The following UNC5C variants were observed in gnomAD, a reference collection of about 807,000 sequenced individuals.
UNC5C encodes unc-5 netrin receptor C, also known as netrin receptor UNC5C.
A neutral mutation model predicts 99.8 loss-of-function variants in UNC5C; 47 were observed. The ratio of observed to expected loss-of-function variants is 0.47; its 90% CI spans 0.37 to 0.60. The LOEUF is 0.60. UNC5C is among the 20% of genes least tolerant of loss of function. The pLI, the probability that UNC5C is intolerant of heterozygous loss-of-function variation, is 0.00. For missense variants in UNC5C, 1,062 were observed against 1,165.9 expected, an observed-to-expected ratio of 0.91 and a Z score of 1.30; for synonymous variants, 487 against 452.2, an observed-to-expected ratio of 1.08 and a Z score of -0.98.
chr4:95,376,089 T>C (rs1288941677), intron 1 of UNC5C, among the ~76,000 whole-genome samples: 2 of 151,920 alleles, frequency 1.3e-5, no homozygotes, highest in South Asian at 2.1e-4. Flanking sequence ...AATATATATA[T>C]ATACAGAATA....
At chr4:95,356,193 C>CAAAAAAAAAAAAAAAAAAA (rs59097041) in intron 1 of UNC5C, among the ~76,000 whole-genome samples, 2 of 57,998 alleles carry the variant, frequency 3.4e-5, no homozygotes, top group Non-Finnish European at 6.6e-5. Flanking sequence ...GACCCTGTAG[C>CAAAAAAAAAAAAAAAAAAA]AAAAAAAAAA....
intron 1 of UNC5C, among the ~76,000 whole-genome samples, chr4:95,476,578 C>T (rs1012205650): frequency 3.3e-5 from 5 of 152,004 alleles, no homozygotes; most frequent in African/African-American, 1.2e-4. Context: ...TTTAAAAACA[C>T]GAATTCATAT....
intron 10 of UNC5C, among the ~76,000 whole-genome samples, chr4:95,210,463 A>G (rs184668445): frequency 6.6e-6 from 1 of 152,316 alleles, no homozygotes; most frequent in East Asian, 1.9e-4. Flanking sequence ...CCTTTATACA[A>G]AGGAAGCTAT....
At chr4:95,429,121 A>T (rs1400452656) in intron 1 of UNC5C, among the ~76,000 whole-genome samples, 1 of 152,138 alleles carries the variant, frequency 6.6e-6, no homozygotes, top group Non-Finnish European at 1.5e-5. Flanking sequence ...AATGCAGGCA[A>T]ATTTGCTAAT....
chr4:95,377,907 G>T (rs1312970756), intron 1 of UNC5C, among the ~76,000 whole-genome samples: 1 of 152,166 alleles, frequency 6.6e-6, no homozygotes, highest in Non-Finnish European at 1.5e-5. Flanking sequence ...TATTCTGAAG[G>T]ATTCCTTCTC....
chr4:95,332,590 A>C (rs1050927493), intron 2 of UNC5C, among the ~76,000 whole-genome samples: 3 of 152,004 alleles, frequency 2.0e-5, no homozygotes, highest in Admixed American at 6.6e-5. Context: ...TTAAAGACTT[A>C]AACGTTAGAC....
chr4:95,481,928 C>A (rs1260904639), intron 1 of UNC5C, among the ~76,000 whole-genome samples: 1 of 151,950 alleles, frequency 6.6e-6, no homozygotes, highest in African/African-American at 2.4e-5. Context: ...CTAGGCATTA[C>A]CATTCAGGAC....
intron 9 of UNC5C, among the ~76,000 whole-genome samples, chr4:95,218,568 T>C (rs910340012): frequency 4.6e-5 from 7 of 152,142 alleles, no homozygotes; most frequent in African/African-American, 1.7e-4. Context: ...GTTTTCTGTA[T>C]TATTGCTTCA....
chr4:95,352,621 A>G (rs182720849), intron 1 of UNC5C, among the ~76,000 whole-genome samples: 6 of 152,182 alleles, frequency 3.9e-5, no homozygotes, highest in Admixed American at 2.0e-4. Context: ...TCCTTCTAAA[A>G]CTACCTTCCC....
intron 4 of UNC5C, among the ~76,000 whole-genome samples, chr4:95,251,752 GA>G (rs1271122169): frequency 6.6e-6 from 1 of 152,156 alleles, no homozygotes; most frequent in Non-Finnish European, 1.5e-5. Context: ...AGCACCACAA[GA>G]CGTCTAGAAA....
intron 1 of UNC5C, among the ~76,000 whole-genome samples, chr4:95,511,974 G>A (rs1400080983): frequency 6.6e-6 from 1 of 152,094 alleles, no homozygotes; most frequent in Non-Finnish European, 1.5e-5. Flanking sequence ...TGAAGGGTAT[G>A]TGACTACTTG....
In UNC5C at chr4:95,334,559, A is replaced by G. The variant is rs541764669; in HGVS notation, c.346+851T>C. Among the ~76,000 whole-genome samples the G allele has an allele frequency of 9.2e-5, 14 of 152,084 alleles. No homozygotes were observed. In the East Asian group the frequency reaches 9.7e-4, roughly 10 times the overall value. On this transcript the variant is annotated intron_variant, in intron 2 of 15. Coordinates refer to ENST00000453304, the MANE Select transcript of UNC5C (RefSeq NM_003728.4). The stretch of plus-strand genomic sequence containing the variant: ...GGAGAGCAAAAACACGTATGCTACC[A>G]TGGAAAGATATATATGTTTCCAATT...
chr4:95,410,433 TAG>T (rs2149451667), intron 1 of UNC5C, among the ~76,000 whole-genome samples: 1 of 152,332 alleles, frequency 6.6e-6, no homozygotes, highest in Non-Finnish European at 1.5e-5. Context: ...ACCTCTTCTT[TAG>T]AATTCAACAG....
At chr4:95,388,671 T>C (rs958830369) in intron 1 of UNC5C, among the ~76,000 whole-genome samples, 1 of 152,224 alleles carries the variant, frequency 6.6e-6, no homozygotes, top group East Asian at 1.9e-4. Context: ...GCACTTACTC[T>C]GTGACAGGTA....
intron 1 of UNC5C, among the ~76,000 whole-genome samples, chr4:95,473,549 A>G (rs1458082426): frequency 7.1e-6 from 1 of 141,300 alleles, no homozygotes; most frequent in Non-Finnish European, 1.5e-5. Flanking sequence ...TCTGTCCTTT[A>G]CAATGGTTAA....
chr4:95,531,696 T>C (rs528739070), intron 1 of UNC5C, among the ~76,000 whole-genome samples: 2 of 152,222 alleles, frequency 1.3e-5, no homozygotes, highest in Non-Finnish European at 2.9e-5. Flanking sequence ...AAACACTGGG[T>C]TTAATATGTA....
intron 1 of UNC5C, among the ~76,000 whole-genome samples, chr4:95,445,529 A>G (rs1747074921): frequency 6.6e-6 from 1 of 152,190 alleles, no homozygotes; most frequent in Non-Finnish European, 1.5e-5. Context: ...AAACAAATTC[A>G]GTAAGATAAG....
At chr4:95,487,463 A>AT (rs781228589) in intron 1 of UNC5C, among the ~76,000 whole-genome samples, 16 of 151,782 alleles carry the variant, frequency 1.1e-4, no homozygotes, top group Non-Finnish European at 1.8e-4. Context: ...CATTAACTCT[A>AT]TGGTATACTT....
intron 1 of UNC5C, among the ~76,000 whole-genome samples, chr4:95,448,223 T>TGAGAGAGAGA (rs1355886184): frequency 4.6e-5 from 5 of 108,054 alleles, no homozygotes; most frequent in African/African-American, 1.8e-4. Context: ...TGTGTGTGTG[T>TGAGAGAGAGA]GTGTGAGAGA....
Sources: gnomAD v4.1 joint callset for allele counts (sites outside exome capture counted in the v4.1 genomes callset) on GRCh38, gnomAD v4.1.1 for gene constraint, MANE v1.5 for transcripts, NCBI Gene and HGNC (gene_info 2026-07-23, HGNC 2026-07-21) for gene names.